FBXL13: variants seen among roughly 807,000 people sequenced by gnomAD.
FBXL13 encodes F-box and leucine rich repeat protein 13, also known as F-box and leucine-rich repeat protein 13.
In FBXL13, 67 loss-of-function variants were observed where a neutral mutation model predicts 83.6. That is an observed-to-expected ratio of 0.80 (90% CI 0.66 to 0.98). FBXL13 has a LOEUF of 0.98. Ranked by LOEUF, FBXL13 falls within the 50% of genes least tolerant of loss-of-function variation. The pLI is 0.00. For missense variants in FBXL13, 822 were observed against 866.5 expected, an observed-to-expected ratio of 0.95 and a Z score of 0.64; for synonymous variants, 272 against 299.5, an observed-to-expected ratio of 0.91 and a Z score of 0.95.
chr7:102,825,560 C>T (rs1799481979), intron 18 of FBXL13, among the ~76,000 whole-genome samples: 1 of 152,142 alleles, frequency 6.6e-6, no homozygotes, highest in Non-Finnish European at 1.5e-5. Context: ...TTATACACAA[C>T]AGAAAACGGA....
At chr7:102,980,088 AG>A (rs1827998604) in intron 6 of FBXL13, among the ~76,000 whole-genome samples, 1 of 152,250 alleles carries the variant, frequency 6.6e-6, no homozygotes. Flanking sequence ...AAAATTTCAA[AG>A]GCTTTTTTTG....
At chr7:102,834,956 TTTTA>T (rs1411373193) in intron 17 of FBXL13, among the ~76,000 whole-genome samples, 2 of 151,890 alleles carry the variant, frequency 1.3e-5, no homozygotes, top group African/African-American at 4.8e-5. Context: ...TATATACAAT[TTTTA>T]TTTGTCAGTT....
intron 11 of FBXL13, among the ~76,000 whole-genome samples, chr7:102,896,768 C>A (rs773318976): frequency 6.6e-6 from 1 of 152,176 alleles, no homozygotes; most frequent in African/African-American, 2.4e-5. Flanking sequence ...TTAGGTTCCA[C>A]CCTAAATGAC....
chr7:102,883,411 G>T, exon 14 of FBXL13: 1 of 1,613,664 alleles, frequency 6.2e-7, no homozygotes, highest in Non-Finnish European at 8.5e-7. Flanking sequence ...ATGTGACTGA[G>T]ATTTGGATAA....
chr7:102,839,725 T>C (rs1249409730), intron 17 of FBXL13, among the ~76,000 whole-genome samples: 2 of 152,102 alleles, frequency 1.3e-5, no homozygotes, highest in South Asian at 2.1e-4. Context: ...GGATTACACA[T>C]GTGAGCCACT....
chr7:102,951,805 C>CA (rs5886239), intron 8 of FBXL13, among the ~76,000 whole-genome samples: 1,743 of 88,032 alleles, frequency 0.02, 62 homozygotes, highest in African/African-American at 0.066. Context: ...ACTCTCTCTC[C>CA]AAAAAAAAAA....
intron 17 of FBXL13, among the ~76,000 whole-genome samples, chr7:102,848,219 TG>T (rs1374515240): frequency 1.3e-5 from 2 of 152,182 alleles, no homozygotes; most frequent in African/African-American, 2.4e-5. Context: ...TAGAAATTTT[TG>T]TCTAGCTGCA....
At chr7:102,813,526 G>A (rs1797589382) in exon 20 of FBXL13, 5 of 1,613,666 alleles carry the variant, frequency 3.1e-6, no homozygotes, top group Non-Finnish European at 4.2e-6. Context: ...TCTTTGAGCT[G>A]CCTTCCTGTA....
intron 8 of FBXL13, among the ~76,000 whole-genome samples, chr7:102,947,573 T>C (rs1183431365): frequency 6.6e-6 from 1 of 152,200 alleles, no homozygotes; most frequent in African/African-American, 2.4e-5. Flanking sequence ...AGTTGATTCA[T>C]GATGGAATGA....
intron 17 of FBXL13, among the ~76,000 whole-genome samples, chr7:102,850,603 T>C (rs557158874): frequency 3.5e-4 from 54 of 152,358 alleles, no homozygotes; most frequent in African/African-American, 1.2e-3. Flanking sequence ...CTTAAGTTAA[T>C]TGCAGCAGGT....
chr7:102,842,268 C>G, intron 17 of FBXL13, among the ~76,000 whole-genome samples: 1 of 152,114 alleles, frequency 6.6e-6, no homozygotes, highest in East Asian at 1.9e-4. Context: ...AACTTGTAAC[C>G]CTAGAGAAGA....
intron 6 of FBXL13, among the ~76,000 whole-genome samples, chr7:103,003,173 T>C (rs1293257672): frequency 2.0e-5 from 3 of 152,084 alleles, no homozygotes; most frequent in African/African-American, 7.2e-5. Context: ...GCTTGATCCA[T>C]TCTGCTATTG....
intron 17 of FBXL13, among the ~76,000 whole-genome samples, chr7:102,838,816 C>T (rs1802432836): frequency 6.6e-6 from 1 of 152,184 alleles, no homozygotes; most frequent in Non-Finnish European, 1.5e-5. Flanking sequence ...GCCATAGGGA[C>T]CTCTGCCCTG....
chr7:103,018,983 T>G (rs1792761458), intron 6 of FBXL13, among the ~76,000 whole-genome samples: 1 of 152,168 alleles, frequency 6.6e-6, no homozygotes, highest in South Asian at 2.1e-4. Context: ...CTAATACACA[T>G]CTACAGAACT....
At chr7:102,913,252 T>A (rs775934779) in intron 10 of FBXL13, 37 bp from the exon 12 acceptor site, 1 of 1,610,420 alleles carries the variant, frequency 6.2e-7, no homozygotes, top group Admixed American at 1.7e-5. Context: ...AGTATTATAC[T>A]TCCGTTGTTC....
At chr7:102,823,950 T>G (rs1474837158) in intron 18 of FBXL13, among the ~76,000 whole-genome samples, 1 of 150,198 alleles carries the variant, frequency 6.7e-6, no homozygotes, top group Non-Finnish European at 1.5e-5. Context: ...ATGTCATTGA[T>G]AAAAGAAAAA....
chr7:103,044,319 C>A (rs1478554108), intron 2 of FBXL13, among the ~76,000 whole-genome samples: 1 of 152,152 alleles, frequency 6.6e-6, no homozygotes, highest in African/African-American at 2.4e-5. Flanking sequence ...AATATGTAGA[C>A]TCTGTATGAA....
At chr7:102,973,807 T>A (rs1380182976) in intron 6 of FBXL13, 1 of 732,028 alleles carries the variant, frequency 1.4e-6, no homozygotes, top group East Asian at 2.5e-5. Flanking sequence ...CAAGGAAAAA[T>A]CCATACAGCC....
intron 6 of FBXL13, among the ~76,000 whole-genome samples, chr7:103,022,124 T>C (rs1365817476): frequency 1.3e-5 from 2 of 152,138 alleles, no homozygotes; most frequent in African/African-American, 2.4e-5. Flanking sequence ...ATGTGGCACA[T>C]ATATACCATG....
Sources: gnomAD v4.1 joint callset for allele counts (sites outside exome capture counted in the v4.1 genomes callset) on GRCh38, gnomAD v4.1.1 for gene constraint, MANE v1.5 for transcripts, NCBI Gene and HGNC (gene_info 2026-07-23, HGNC 2026-07-21) for gene names.